The following DTD1 variants were observed in gnomAD, a reference collection of about 807,000 sequenced individuals.
The protein encoded by DTD1 is D-aminoacyl-tRNA deacylase 1, also known as D-tyrosyl-tRNA deacylase 1 homolog.
In DTD1, 13 loss-of-function variants were observed where a neutral mutation model predicts 25.6. That is an observed-to-expected ratio of 0.51 (90% CI 0.33 to 0.81). The LOEUF (loss-of-function observed/expected upper bound fraction) is 0.81. DTD1 is among the 30% of genes least tolerant of loss of function. The probability of loss-of-function intolerance (pLI) is 0.02; values close to 1 mark genes in which losing one functional copy is unlikely to be tolerated. For synonymous variants in DTD1, 110 were observed against 103.6 expected (o/e 1.06, Z -0.37); for missense variants, 193 against 266.4 (o/e 0.72, Z 1.92).
At chr20:18,652,330 C>T (rs2060877443) in intron 4 of DTD1, among the ~76,000 whole-genome samples, 1 of 152,116 alleles carries the variant, frequency 6.6e-6, no homozygotes. Context: ...AGAAAAATGC[C>T]ATTTTGGTTT....
intron 4 of DTD1, chr20:18,675,345 A>G (rs2060966070): frequency 1.3e-5 from 2 of 152,328 alleles, no homozygotes; most frequent in Non-Finnish European, 2.9e-5. Context: ...CCAGGAGGCA[A>G]GAATCACTGG....
intron 4 of DTD1, among the ~76,000 whole-genome samples, chr20:18,737,694 C>T (rs1013192415): frequency 6.6e-6 from 1 of 152,238 alleles, no homozygotes; most frequent in African/African-American, 2.4e-5. Flanking sequence ...GAGGCTTCCC[C>T]ACTCTGCTCT....
At chr20:18,675,782 A>ATGTGTAAATATACC (rs1337116432) in intron 4 of DTD1, among the ~76,000 whole-genome samples, 3 of 143,940 alleles carry the variant, frequency 2.1e-5, no homozygotes, top group African/African-American at 8.2e-5. Flanking sequence ...ACACACATAT[A>ATGTGTAAATATACC]TATGTGTAAA....
intron 4 of DTD1, among the ~76,000 whole-genome samples, chr20:18,724,002 A>G (rs1359423977): frequency 6.6e-6 from 1 of 152,156 alleles, no homozygotes; most frequent in African/African-American, 2.4e-5. Context: ...CCACATTTCC[A>G]GGCATTGCGT....
At chr20:18,742,754 A>G (rs958478992) in intron 4 of DTD1, among the ~76,000 whole-genome samples, 4 of 152,320 alleles carry the variant, frequency 2.6e-5, no homozygotes, top group African/African-American at 7.2e-5. Context: ...CCTGGACCCA[A>G]TTGAGAGCTA....
intron 4 of DTD1, among the ~76,000 whole-genome samples, chr20:18,718,110 A>G (rs116043243): frequency 0.014 from 2,082 of 152,346 alleles, 33 homozygotes; most frequent in African/African-American, 0.02. Flanking sequence ...AGTCTTTACC[A>G]GTTTATCCTG....
chr20:18,658,365 G>A (rs1351110095), intron 4 of DTD1, among the ~76,000 whole-genome samples: 4 of 150,196 alleles, frequency 2.7e-5, no homozygotes, highest in Admixed American at 6.6e-5. Flanking sequence ...TCGCTCTGTC[G>A]CCCATGCTGG....
chr20:18,741,909 T>G (rs887168170), intron 4 of DTD1, among the ~76,000 whole-genome samples: 12 of 149,746 alleles, frequency 8.0e-5, no homozygotes, highest in South Asian at 2.1e-4. Flanking sequence ...TTTTTTTTTT[T>G]TTTTTTTTTT....
chr20:18,596,893 T>C (rs1249841075), intron 3 of DTD1, among the ~76,000 whole-genome samples: 1 of 152,140 alleles, frequency 6.6e-6, no homozygotes, highest in Non-Finnish European at 1.5e-5. Flanking sequence ...TTGTTACAAC[T>C]GATGAACCTA....
chr20:18,736,374 G>A (rs911011), intron 4 of DTD1, among the ~76,000 whole-genome samples: 126,096 of 152,112 alleles, frequency 0.83, 53,382 homozygotes, highest in Non-Finnish European at 0.93. Context: ...TCTCCAATTT[G>A]TTCACAAAGG....
intron 4 of DTD1, among the ~76,000 whole-genome samples, chr20:18,675,768 A>G (rs1193662): frequency 0.069 from 15 of 218 alleles, no homozygotes; most frequent in Admixed American, 0.14. Context: ...CTATGTGTAT[A>G]TTTACACACA....
intron 5 of DTD1, among the ~76,000 whole-genome samples, chr20:18,761,059 G>T (rs914159763): frequency 6.6e-6 from 1 of 152,186 alleles, no homozygotes; most frequent in Non-Finnish European, 1.5e-5. Context: ...ATCTCCTGGT[G>T]TGCCGTTTGC....
chr20:18,766,291 GT>G lies in DTD1; in HGVS notation c.*2954del, dbSNP rs1456108324. The G allele has an allele frequency of 1.3e-5, 2 of 152,150 alleles. No individual in the cohort carries two copies. Among genetic ancestry groups the G allele is most frequent in the Non-Finnish European group, 2.9e-5 (2 of 68,026 alleles). The allele number at this position is 152,150 out of a possible 1,614,324, so 9.4% of individuals were successfully genotyped here. ...AGAGAGGCAATCTTTTCTATCTCTG[GT>G]TTGTCAGATTTTCTGCCGTTTTTCA... On this transcript the variant is annotated 3_prime_UTR_variant, in exon 6 of 6. Transcript: ENST00000377452.
intron 4 of DTD1, among the ~76,000 whole-genome samples, chr20:18,711,494 CTGT>C: frequency 6.6e-6 from 1 of 151,962 alleles, no homozygotes; most frequent in Non-Finnish European, 1.5e-5. Flanking sequence ...GTCTTAACAA[CTGT>C]TGTTTCTTAG....
intron 4 of DTD1, among the ~76,000 whole-genome samples, chr20:18,667,564 G>T (rs931844877): frequency 3.0e-5 from 4 of 133,682 alleles, no homozygotes; most frequent in East Asian, 2.4e-4. Flanking sequence ...TGAAGGGAAG[G>T]TCCCCCCTGG....
intron 4 of DTD1, among the ~76,000 whole-genome samples, chr20:18,650,517 T>C (rs978017267): frequency 2.0e-5 from 3 of 152,230 alleles, no homozygotes; most frequent in African/African-American, 7.2e-5. Flanking sequence ...GCAGCTGCCC[T>C]GCACTGAACC....
intron 4 of DTD1, among the ~76,000 whole-genome samples, chr20:18,742,810 A>G (rs1168805088): frequency 1.3e-5 from 2 of 152,204 alleles, no homozygotes; most frequent in African/African-American, 2.4e-5. Context: ...AAGTCTGTTC[A>G]TAGTGGAAGA....
chr20:18,744,656 C>CA lies in DTD1; in HGVS notation c.*19+387dup, dbSNP rs2061293282. Among the ~76,000 whole-genome samples the CA allele has an allele frequency of 2.5e-3, 7 of 2,758 alleles. 1 individual carries two copies. Among genetic ancestry groups the CA allele is most frequent in the Admixed American group, 6.8e-3 (2 of 292 alleles). 1.8% of individuals were successfully genotyped at this position (2,758 alleles called of 152,430 possible). A position where few individuals can be genotyped will look rare whatever the true frequency, so the allele number is the denominator to read the frequency against. ...CATCTCAAAAAAAAAAAACAAAAAA[C>CA]AAGTGAAAGGGGTTTCCCCTTATAA... On this transcript the variant is annotated intron_variant, in intron 5 of 5. Coordinates refer to ENST00000377452, the MANE Select transcript of DTD1 (RefSeq NM_080820.6).
intron 4 of DTD1, among the ~76,000 whole-genome samples, chr20:18,714,134 G>A (rs920139621): frequency 1.1e-4 from 16 of 152,222 alleles, no homozygotes; most frequent in African/African-American, 3.6e-4. Flanking sequence ...AAGGCAGGAT[G>A]AGAAAGGGGA....
Sources: allele counts gnomAD v4.1 joint callset (sites outside exome capture counted in the v4.1 genomes callset), GRCh38; gene constraint gnomAD v4.1.1; transcripts MANE v1.5; gene names NCBI Gene and HGNC (gene_info 2026-07-23, HGNC 2026-07-21).